The following SRP68 variants were observed in gnomAD, a reference collection of about 807,000 sequenced individuals.
SRP68 encodes signal recognition particle subunit SRP68.
SRP68 carries 15 observed loss-of-function variants against 82.2 expected under a neutral mutation model. The observed-to-expected ratio is 0.18, with a 90% CI of 0.12 to 0.28. SRP68 has a LOEUF of 0.28. SRP68 is among the 10% of genes least tolerant of loss of function. The pLI is 1.00. For synonymous variants in SRP68, 261 were observed against 292.6 expected (o/e 0.89, Z 1.10); for missense variants, 595 against 780.5 (o/e 0.76, Z 2.83).
In SRP68 at chr17:76,072,162, T is replaced by G; in HGVS notation, c.184+146A>C. On this transcript the variant is annotated intron_variant, in intron 1 of 15. Coordinates refer to ENST00000307877, the MANE Select transcript of SRP68 (RefSeq NM_014230.4). This position sits in a 1 kb window ranked among gnomAD's most constrained non-coding sequence, Gnocchi z 4.5. The stretch of plus-strand genomic sequence containing the variant: ...TCGAGAGACAGACCCCCCCCGGAAT[T>G]CTGAGCACCAAAAGGTAAGGGCGAG... The G allele has an allele frequency of 2.8e-6, 4 of 1,440,506 alleles. No individual in the cohort carries two copies. The highest frequency in any genetic ancestry group is 3.7e-6 in the Non-Finnish European group (4 of 1,071,808). The allele number at this position is 1,440,506 out of a possible 1,614,324, so 89.2% of individuals were successfully genotyped here.
At chr17:76,067,588 T>G (rs1438677858) in intron 2 of SRP68, among the ~76,000 whole-genome samples, 1 of 152,120 alleles carries the variant, frequency 6.6e-6, no homozygotes, top group African/African-American at 2.4e-5. Context: ...CTCAGCCTCC[T>G]GGGTAGATGT....
chr17:76,059,837 T>G (rs2066738507), intron 7 of SRP68, among the ~76,000 whole-genome samples: 1 of 142,298 alleles, frequency 7.0e-6, no homozygotes, highest in South Asian at 2.3e-4. Context: ...CTGCAAAAAG[T>G]TTTTTGGGCC....
In SRP68 at chr17:76,065,652, C is replaced by T. The variant is rs576932147; in HGVS notation, c.366-1481G>A. 2.8e-4 allele frequency among the ~76,000 whole-genome samples: 42 copies of T among 152,214 alleles called. No homozygotes were observed. The South Asian group carries it at 8.1e-3, about 29-fold the overall frequency. ...TAGACTGCATGCACGGATACCAGGG[C>T]ATGCTGCTTCCCCCGACACAGAATG... On this transcript the variant is annotated intron_variant, in intron 3 of 15. Coordinates refer to ENST00000307877, the MANE Select transcript of SRP68 (RefSeq NM_014230.4).
At position 76,038,829 on chromosome 17, in the gene SRP68, T is replaced by C. The variant is rs1240515096; in HGVS notation, c.*877A>G. 1 of 152,542 alleles carries C rather than the reference T, an allele frequency of 6.6e-6. No individual in the cohort carries two copies. The highest frequency in any genetic ancestry group is 1.5e-5 in the Non-Finnish European group (1 of 68,268). The allele number at this position is 152,542 out of a possible 1,614,324, so 9.4% of individuals were successfully genotyped here. A position where few individuals can be genotyped will look rare whatever the true frequency, so the allele number is the denominator to read the frequency against. On this transcript the variant is annotated 3_prime_UTR_variant, in exon 16 of 16. Coordinates refer to ENST00000307877, the MANE Select transcript of SRP68 (RefSeq NM_014230.4). ...TATTCCTTGCTTTCTTACATTGTTT[T>C]TGTGACTTCTATTATTGATGTTATA...
intron 6 of SRP68, 48 bp from the exon 7 acceptor site, chr17:76,060,438 T>C (rs766318373): frequency 1.4e-6 from 2 of 1,408,184 alleles, no homozygotes; most frequent in Non-Finnish European, 2.0e-6. Context: ...TCTGTTTTCT[T>C]GAGAATCACT....
chr17:76,046,378 C>T lies in SRP68; in HGVS notation c.1143-184G>A, dbSNP rs146963637. ...TGGCTACTATCCAGTGGCAAGTTTG[C>T]AGGGGACCCGCATGAGATCTTATCA... On this transcript the variant is annotated intron_variant, in intron 10 of 15. Transcript: ENST00000307877. Among the ~76,000 whole-genome samples, 3 of 150,878 alleles carry T rather than the reference C, an allele frequency of 2.0e-5. No homozygotes were observed. The East Asian group carries it at 5.9e-4, about 30-fold the overall frequency.
Position 76,064,798 on chromosome 17 carries a change from G to C in SRP68, c.366-627C>G, listed in dbSNP as rs942694400. Among the ~76,000 whole-genome samples, 32 of 140,500 alleles carry C rather than the reference G, an allele frequency of 2.3e-4. No homozygotes were observed. The Admixed American group carries it at 2.4e-3, about 11-fold the overall frequency. The allele number at this position is 140,500 out of a possible 152,430, so 92.2% of individuals were successfully genotyped here. ...GGAGGTTGCAGTGAGCTGAGATCAC[G>C]CCACTATACTCTCGTTTGGGCAACA... On this transcript the variant is annotated intron_variant, in intron 3 of 15. Coordinates refer to ENST00000307877, the MANE Select transcript of SRP68 (RefSeq NM_014230.4).
rs1369000025 is a variant in SRP68, at chr17:76,039,312, G to A, written c.*394C>T. ...TCTCAAGGGCTCCTGGATGCTCACA[G>A]CAAGGATGAGTTCATTTCAAATCCA... On this transcript the variant is annotated 3_prime_UTR_variant, in exon 16 of 16. Coordinates refer to ENST00000307877, the MANE Select transcript of SRP68 (RefSeq NM_014230.4). The A allele has an allele frequency of 4.3e-6, 2 of 465,296 alleles. No individual in the cohort carries two copies. The highest frequency in any genetic ancestry group is 8.6e-6 in the Non-Finnish European group (2 of 233,110). 28.8% of individuals were successfully genotyped at this position (465,296 alleles called of 1,614,324 possible). A position where few individuals can be genotyped will look rare whatever the true frequency, so the allele number is the denominator to read the frequency against.
chr17:76,054,451 A>G (rs1005174308), intron 8 of SRP68, among the ~76,000 whole-genome samples: 25 of 152,216 alleles, frequency 1.6e-4, no homozygotes, highest in South Asian at 4.1e-4. Flanking sequence ...ATCTCACTTG[A>G]GAATATACAT....
chr17:76,046,743 C>A (rs920164896), intron 10 of SRP68, among the ~76,000 whole-genome samples: 7 of 152,226 alleles, frequency 4.6e-5, no homozygotes, highest in African/African-American at 1.7e-4. Context: ...AGATTGAGAC[C>A]ATCCTGGCTA....
At chr17:76,060,444 T>A in intron 6 of SRP68, 54 bp from the exon 7 acceptor site, 1 of 1,335,034 alleles carries the variant, frequency 7.5e-7, no homozygotes, top group Non-Finnish European at 1.1e-6. Context: ...TTCTTGAGAA[T>A]CACTAGATTC....
In SRP68 at chr17:76,072,394, G is replaced by A; in HGVS notation, c.98C>T (p.Ala33Val). 2 of 1,602,740 alleles carry A rather than the reference G, an allele frequency of 1.2e-6. No homozygotes were observed. The highest frequency in any genetic ancestry group is 1.7e-6 in the Non-Finnish European group (2 of 1,176,230). ...GGGGSGGGRG[A>V]GGEENKENER... ...GTTTTCTTTATTTTCTTCCCCTCCG[G>A]CACCACGTCCACCGCCGCTACCGCC... The change falls in exon 1 of 16, where the codon GCC becomes GTC. Residue 33 changes from alanine to valine, a missense_variant. By Grantham distance (64) the Ala-to-Val change is moderately conservative (BLOSUM62 0). Around this residue, in one of 2 missense-constraint regions of SRP68, gnomAD observed 100 missense variants for 91.9 expected, o/e 1.09. Coordinates refer to ENST00000307877, the MANE Select transcript of SRP68 (RefSeq NM_014230.4). The surrounding 1 kb of genome is among the most constrained non-coding windows in gnomAD (Gnocchi z 4.5).
chr17:76,045,506 T>G, intron 11 of SRP68, 120 bp from the exon 12 acceptor site: 1 of 693,286 alleles, frequency 1.4e-6, no homozygotes. Flanking sequence ...GTCAATACGA[T>G]GGGGAAAAGC....
Position 76,039,632 on chromosome 17 carries a change from A to G in SRP68, c.*74T>C, listed in dbSNP as rs1490642923. 4.1e-6 allele frequency: 6 copies of G among 1,449,234 alleles called. No individual in the cohort carries two copies. The East Asian group carries it at 9.4e-5, about 23-fold the overall frequency. 89.8% of individuals were successfully genotyped at this position (1,449,234 alleles called of 1,614,324 possible). Reference sequence around the variant, plus strand: ...CCAATGCAGACCTGGATTTAATATCATGGAACTTGCTGGGATTTTCTCACA... The same window carrying G: ...CCAATGCAGACCTGGATTTAATATCGTGGAACTTGCTGGGATTTTCTCACA... On this transcript the variant is annotated 3_prime_UTR_variant, in exon 16 of 16. Transcript: ENST00000307877.
intron 3 of SRP68, 113 bp from the exon 4 acceptor site, chr17:76,064,284 ACT>A: frequency 1.2e-6 from 1 of 862,776 alleles, no homozygotes; most frequent in Non-Finnish European, 1.8e-6. Flanking sequence ...CGCCTTTGCC[ACT>A]CTCAAAACAA....
intron 2 of SRP68, among the ~76,000 whole-genome samples, chr17:76,069,001 A>G (rs1426614860): frequency 7.1e-6 from 1 of 140,422 alleles, no homozygotes; most frequent in African/African-American, 2.5e-5. Context: ...AAATATATAT[A>G]TAAATAAATA....
chr17:76,043,638 C>T (rs930015731), intron 13 of SRP68, 191 bp downstream of exon 13: 12 of 432,824 alleles, frequency 2.8e-5, no homozygotes, highest in Non-Finnish European at 4.3e-5. Flanking sequence ...CCTAAATCCT[C>T]CTCAGGCCTG....
At chr17:76,045,085 C>A in intron 12 of SRP68, 1 of 499,956 alleles carries the variant, frequency 2.0e-6, no homozygotes, top group Non-Finnish European at 3.5e-6. Context: ...TCCGACCTGG[C>A]CAAAAGGCAG....
chr17:76,060,125 CAAAAAAAAAAA>C (rs1168111688), intron 7 of SRP68, among the ~76,000 whole-genome samples, 172 bp downstream of exon 7: 4 of 28,790 alleles, frequency 1.4e-4, no homozygotes, highest in East Asian at 1.5e-3. Context: ...GACTCCATCT[CAAAAAAAAAAA>C]AAAAAAAAAA....
Sources: allele counts gnomAD v4.1 joint callset (sites outside exome capture counted in the v4.1 genomes callset), GRCh38; gene constraint gnomAD v4.1.1; regional missense constraint gnomAD v4.1.1; non-coding constraint Gnocchi (gnomAD v3.1); transcripts MANE v1.5; gene names NCBI Gene and HGNC (gene_info 2026-07-23, HGNC 2026-07-21).